The following PSPC1 variants were observed in gnomAD, a reference collection of about 807,000 sequenced individuals.
The protein encoded by PSPC1 is paraspeckle protein 1.
A neutral mutation model predicts 51.6 loss-of-function variants in PSPC1; 14 were observed. The observed-to-expected ratio is 0.27, with a 90% CI of 0.18 to 0.42. The LOEUF is 0.42. PSPC1 is among the 10% of genes least tolerant of loss of function. The pLI is 1.00. For synonymous variants in PSPC1, 193 were observed against 231.9 expected (o/e 0.83, Z 1.53); for missense variants, 406 against 701.1 (o/e 0.58, Z 4.75).
intron 6 of PSPC1, among the ~76,000 whole-genome samples, chr13:19,715,214 A>G (rs1271206289): frequency 6.6e-6 from 1 of 152,230 alleles, no homozygotes; most frequent in African/African-American, 2.4e-5. Flanking sequence ...AGTGATATGG[A>G]AAATTAAAGA....
intron 2 of PSPC1, among the ~76,000 whole-genome samples, chr13:19,768,245 T>A (rs1306718910): frequency 6.7e-6 from 1 of 149,346 alleles, no homozygotes. Context: ...AATAAATAAA[T>A]AAAAATAAAA....
intron 5 of PSPC1, 70 bp downstream of exon 5, chr13:19,741,495 G>T: frequency 8.8e-7 from 1 of 1,129,968 alleles, no homozygotes; most frequent in South Asian, 1.5e-5. Flanking sequence ...TATACAACTT[G>T]TAACAGGTTG....
chr13:19,725,990 A>G (rs1204465539), intron 6 of PSPC1, among the ~76,000 whole-genome samples: 1 of 152,182 alleles, frequency 6.6e-6, no homozygotes, highest in Non-Finnish European at 1.5e-5. Flanking sequence ...CCCAATCAAA[A>G]GAAAGAAAAA....
chr13:19,685,702 A>AT (rs1321759044), intron 6 of PSPC1, among the ~76,000 whole-genome samples: 1 of 152,224 alleles, frequency 6.6e-6, no homozygotes, highest in Non-Finnish European at 1.5e-5. Context: ...GGAGACTGGA[A>AT]TAAGAGGGTG....
chr13:19,775,686 G>A (rs1889041712), intron 1 of PSPC1, among the ~76,000 whole-genome samples: 1 of 152,156 alleles, frequency 6.6e-6, no homozygotes. Flanking sequence ...AAAAAGAGAT[G>A]GGTACTTTCT....
intron 6 of PSPC1, among the ~76,000 whole-genome samples, chr13:19,696,303 T>A (rs1879228855): frequency 6.6e-6 from 1 of 152,136 alleles, no homozygotes; most frequent in Admixed American, 6.5e-5. Flanking sequence ...CATACACACA[T>A]CAAAGTCAAT....
chr13:19,730,385 T>C, intron 5 of PSPC1, 41 bp from the exon 6 acceptor site: 1 of 1,537,710 alleles, frequency 6.5e-7, no homozygotes, highest in Non-Finnish European at 9.0e-7. Flanking sequence ...TCATAACATG[T>C]GGGCTGCCAT....
chr13:19,738,525 C>T (rs559839392), intron 5 of PSPC1, among the ~76,000 whole-genome samples: 1 of 152,236 alleles, frequency 6.6e-6, no homozygotes, highest in African/African-American at 2.4e-5. Flanking sequence ...AAAAGTCCTC[C>T]TACACACTTA....
rs940559290 is a variant in PSPC1 at position 19,775,699 on chromosome 13, C to T, written c.373-3156G>A. ...CTAAAAAGAGATGGGTACTTTCTTA[C>T]CTAATACATCATATAATCCAACAAC... On this transcript the variant is annotated intron_variant, in intron 1 of 8. Coordinates refer to ENST00000338910, the MANE Select transcript of PSPC1 (RefSeq NM_001354909.2). 5.3e-5 allele frequency among the ~76,000 whole-genome samples: 8 copies of T among 152,144 alleles called. 1 individual carries two copies. The highest frequency in any genetic ancestry group is 1.9e-4 in the African/African-American group (8 of 41,516).
intron 1 of PSPC1, among the ~76,000 whole-genome samples, chr13:19,780,170 C>T (rs1480579477): frequency 9.9e-5 from 10 of 100,978 alleles, no homozygotes; most frequent in Non-Finnish European, 1.6e-4. Context: ...CCAGCCGCCC[C>T]GTCCGGGAGG....
intron 6 of PSPC1, among the ~76,000 whole-genome samples, chr13:19,688,962 T>TAA (rs67276894): frequency 1.1e-4 from 6 of 54,350 alleles, no homozygotes; most frequent in Admixed American, 4.2e-4. Flanking sequence ...GATAAACTCT[T>TAA]AAAAAAAAAA....
At chr13:19,692,284 C>T (rs535808264) in intron 6 of PSPC1, among the ~76,000 whole-genome samples, 15 of 152,158 alleles carry the variant, frequency 9.9e-5, no homozygotes, top group African/African-American at 3.6e-4. Context: ...TCACCATGCC[C>T]GGCTACTCTT....
At chr13:19,752,968 G>A (rs1262160921) in intron 3 of PSPC1, among the ~76,000 whole-genome samples, 2 of 151,914 alleles carry the variant, frequency 1.3e-5, no homozygotes, top group East Asian at 3.9e-4. Flanking sequence ...AGTTTCACAG[G>A]AGTGTAGTGG....
At chr13:19,733,494 C>G (rs931892966) in intron 5 of PSPC1, among the ~76,000 whole-genome samples, 2 of 152,054 alleles carry the variant, frequency 1.3e-5, no homozygotes, top group African/African-American at 4.8e-5. Flanking sequence ...TGCACAGTGA[C>G]TCATGTCTGT....
At chr13:19,699,182 T>A (rs940375482), downstream of PSPC1, among the ~76,000 whole-genome samples, 1 of 151,900 alleles carries the variant, frequency 6.6e-6, no homozygotes, top group Non-Finnish European at 1.5e-5. Flanking sequence ...TAGAAGACAC[T>A]ACTTTTGATA....
chr13:19,695,191 T>A (rs1879059011), intron 6 of PSPC1, among the ~76,000 whole-genome samples: 1 of 152,208 alleles, frequency 6.6e-6, no homozygotes, highest in Admixed American at 6.5e-5. Context: ...TAATTCAAAC[T>A]ATGAGATCTA....
intron 6 of PSPC1, among the ~76,000 whole-genome samples, chr13:19,691,169 C>G (rs1878491258): frequency 6.6e-6 from 1 of 152,152 alleles, no homozygotes; most frequent in African/African-American, 2.4e-5. Flanking sequence ...AAAATTTTCT[C>G]AGATCAGTTC....
rs1593797513 is a variant in PSPC1 at position 19,779,782 on chromosome 13, G to A, written c.372+2604C>T. Among the ~76,000 whole-genome samples the A allele has an allele frequency of 7.3e-5, 6 of 82,288 alleles. No homozygotes were observed. In the South Asian group the frequency reaches 3.3e-3, roughly 46 times the overall value. 54.0% of individuals were successfully genotyped at this position (82,288 alleles called of 152,430 possible). On this transcript the variant is annotated intron_variant, in intron 1 of 8. Coordinates refer to ENST00000338910, the MANE Select transcript of PSPC1 (RefSeq NM_001354909.2). The stretch of plus-strand genomic sequence containing the variant: ...CCAGCCGGCCCGTCTGGGAGGTGAG[G>A]GGCGCCTCTGCCCGGCCGCCCCTAC...
intron 7 of PSPC1, among the ~76,000 whole-genome samples, chr13:19,677,205 C>A (rs937153157): frequency 2.1e-5 from 3 of 145,142 alleles, no homozygotes; most frequent in African/African-American, 7.6e-5. Flanking sequence ...TGCACTCCAG[C>A]CTGGGCGACA....
Sources: allele counts gnomAD v4.1 joint callset (sites outside exome capture counted in the v4.1 genomes callset), GRCh38; gene constraint gnomAD v4.1.1; transcripts MANE v1.5; gene names NCBI Gene and HGNC (gene_info 2026-07-23, HGNC 2026-07-21).